DPYSL2: variants seen among roughly 807,000 people sequenced by gnomAD.
DPYSL2 encodes dihydropyrimidinase like 2.
Under a neutral mutation model 69.9 loss-of-function variants are expected in DPYSL2, and 13 were observed. That is an observed-to-expected ratio of 0.19 (90% CI 0.12 to 0.30). The LOEUF (loss-of-function observed/expected upper bound fraction) is 0.30, where lower values mean the gene tolerates loss of function less well. DPYSL2 is among the 10% of genes least tolerant of loss of function. DPYSL2 has a pLI of 1.00. For missense variants in DPYSL2, 587 were observed against 918.9 expected (o/e 0.64, Z 4.67); for synonymous variants, 326 against 359.1 (o/e 0.91, Z 1.04).
At chr8:26,561,597 T>A (rs1172801224) in intron 1 of DPYSL2, among the ~76,000 whole-genome samples, 1 of 151,546 alleles carries the variant, frequency 6.6e-6, no homozygotes, top group Non-Finnish European at 1.5e-5. Flanking sequence ...CTTTCTTACA[T>A]CCATTAATAC....
In DPYSL2 at chr8:26,605,089, T is replaced by C. The variant is rs1406912970; in HGVS notation, c.629-19054T>C. ...AAATGTGCGGAAATCAGTCACCCAG[T>C]CACCTGAACTTCCATTTAACATCAG... is the stretch of plus-strand genomic sequence containing the variant. On this transcript the variant is annotated intron_variant, in intron 3 of 13. Coordinates refer to ENST00000521913, the MANE Select transcript of DPYSL2 (RefSeq NM_001197293.3). The surrounding 1 kb of genome is among the most constrained non-coding windows in gnomAD (Gnocchi z 4.1). 6.6e-6 allele frequency among the ~76,000 whole-genome samples: 1 copy of C among 152,108 alleles called. No individual in the cohort carries two copies. The highest frequency in any genetic ancestry group is 1.5e-5 in the Non-Finnish European group (1 of 68,032).
chr8:26,523,080 C>G (rs1808414973), intron 1 of DPYSL2, among the ~76,000 whole-genome samples: 1 of 151,816 alleles, frequency 6.6e-6, no homozygotes, highest in Non-Finnish European at 1.5e-5. Context: ...ATTCTTCTAT[C>G]TGAAGATCTT....
rs181611107 is a variant in DPYSL2 at position 26,610,561 on chromosome 8, C to T, written c.629-13582C>T. 9.1e-4 allele frequency among the ~76,000 whole-genome samples: 139 copies of T among 152,202 alleles called. 1 individual carries two copies. Among genetic ancestry groups the T allele is most frequent in the Admixed American group, 3.1e-3 (47 of 15,300 alleles). ...TAGATGAGTGACTCAAAGTTCCATG[C>T]CTGGGGCCCTCCACCCTCCTTCCCT... On this transcript the variant is annotated intron_variant, in intron 3 of 13. Coordinates refer to ENST00000521913, the MANE Select transcript of DPYSL2 (RefSeq NM_001197293.3). This position sits in a 1 kb window ranked among gnomAD's most constrained non-coding sequence, Gnocchi z 4.5.
intron 1 of DPYSL2, among the ~76,000 whole-genome samples, chr8:26,531,852 G>A (rs567046383): frequency 9.2e-5 from 14 of 152,184 alleles, no homozygotes; most frequent in African/African-American, 2.7e-4. Context: ...CTTAGGTGCC[G>A]GTCTTGGTGG....
At chr8:26,551,744 T>C (rs531974465) in intron 1 of DPYSL2, among the ~76,000 whole-genome samples, 26 of 152,250 alleles carry the variant, frequency 1.7e-4, no homozygotes, top group African/African-American at 4.8e-4. Context: ...CAGACCACAA[T>C]GAACTTAAAC....
At position 26,656,232 on chromosome 8, in the gene DPYSL2, G is replaced by A. The variant is rs1803388295; in HGVS notation, c.*526G>A. ...AACATTTAATTCCATATTAATACAA[G>A]GGGTTTGAACTGGACATCCTAATGA... On this transcript the variant is annotated 3_prime_UTR_variant, in exon 14 of 14. Transcript: ENST00000521913. 6.7e-6 allele frequency: 1 copy of A among 149,448 alleles called. No individual in the cohort carries two copies. The highest frequency in any genetic ancestry group is 1.5e-5 in the Non-Finnish European group (1 of 67,570). The allele number at this position is 149,448 out of a possible 1,614,324, so 9.3% of individuals were successfully genotyped here. A position where few individuals can be genotyped will look rare whatever the true frequency, so the allele number is the denominator to read the frequency against.
intron 1 of DPYSL2, among the ~76,000 whole-genome samples, chr8:26,549,166 G>A (rs965630485): frequency 6.6e-6 from 1 of 151,506 alleles, no homozygotes. Context: ...TCCAGCCCAG[G>A]TGACAGAGGG....
intron 1 of DPYSL2, among the ~76,000 whole-genome samples, chr8:26,567,161 C>G (rs1801163835): frequency 6.7e-6 from 1 of 150,280 alleles, no homozygotes; most frequent in Admixed American, 6.6e-5. Context: ...TCTGCCCATC[C>G]ATCCATCCAT....
rs1369036640 is a variant in DPYSL2 at position 26,640,592 on chromosome 8, G to C, written c.1127-2847G>C. On this transcript the variant is annotated intron_variant, in intron 8 of 13. Transcript: ENST00000521913. This position sits in a 1 kb window ranked among gnomAD's most constrained non-coding sequence, Gnocchi z 4.2. ...TTGGGAGCTCCAGACCACTGGGGAT[G>C]GGAGGCAGAGACTCTATGTATAGAT... 6.6e-6 allele frequency among the ~76,000 whole-genome samples: 1 copy of C among 152,116 alleles called. No individual in the cohort carries two copies. The highest frequency in any genetic ancestry group is 1.5e-5 in the Non-Finnish European group (1 of 68,020).
chr8:26,575,371 A>C (rs1801310933), intron 1 of DPYSL2, among the ~76,000 whole-genome samples: 1 of 151,530 alleles, frequency 6.6e-6, no homozygotes, highest in South Asian at 2.1e-4. Flanking sequence ...TTTCACCTTC[A>C]TCAGTGCAAA....
chr8:26,517,952 C>G lies in DPYSL2; in HGVS notation c.354+3273C>G, dbSNP rs960779234. On this transcript the variant is annotated intron_variant, in intron 1 of 13. Coordinates refer to ENST00000521913, the MANE Select transcript of DPYSL2 (RefSeq NM_001197293.3). This position sits in a 1 kb window ranked among gnomAD's most constrained non-coding sequence, Gnocchi z 4.2. ...GCCCTCTAACTGTACAACGTCATCC[C>G]TACTCCATCCCCATAGCATGCCCCT... Among the ~76,000 whole-genome samples the G allele has an allele frequency of 1.3e-5, 2 of 152,208 alleles. No homozygotes were observed. The highest frequency in any genetic ancestry group is 2.9e-5 in the Non-Finnish European group (2 of 68,024).
Position 26,619,188 on chromosome 8 carries a change from T to G in DPYSL2, c.629-4955T>G, listed in dbSNP as rs142282439. ...AGCTCTGTGCAAGTCATTTTCAGGC[T>G]TGTGTCCTCAGTGGGGACTCTACTC... On this transcript the variant is annotated intron_variant, in intron 3 of 13. Coordinates refer to ENST00000521913, the MANE Select transcript of DPYSL2 (RefSeq NM_001197293.3). The surrounding 1 kb of genome is among the most constrained non-coding windows in gnomAD (Gnocchi z 4.8). Among the ~76,000 whole-genome samples, 207 of 152,282 alleles carry G rather than the reference T, an allele frequency of 1.4e-3. 1 individual carries two copies. Among genetic ancestry groups the G allele is most frequent in the African/African-American group, 4.8e-3 (200 of 41,542 alleles).
At chr8:26,526,102 T>C (rs1808470767) in intron 1 of DPYSL2, among the ~76,000 whole-genome samples, 1 of 152,074 alleles carries the variant, frequency 6.6e-6, no homozygotes, top group Non-Finnish European at 1.5e-5. Flanking sequence ...TTTATTTTAT[T>C]TTATTTTTTC....
At chr8:26,537,167 T>G (rs1397666707) in intron 1 of DPYSL2, among the ~76,000 whole-genome samples, 3 of 152,206 alleles carry the variant, frequency 2.0e-5, no homozygotes, top group African/African-American at 7.2e-5. Flanking sequence ...ACAGAGTTGG[T>G]TAGGTAATAT....
At chr8:26,634,316 G>C (rs1442305615) in intron 7 of DPYSL2, among the ~76,000 whole-genome samples, 2 of 151,698 alleles carry the variant, frequency 1.3e-5, no homozygotes, top group African/African-American at 4.8e-5. Flanking sequence ...CCAGGTTGGA[G>C]TATGGTGGTG....
chr8:26,644,159 G>A lies in DPYSL2; in HGVS notation c.1425+68G>A, dbSNP rs967191820. The A allele has an allele frequency of 1.5e-5, 24 of 1,561,022 alleles. No individual in the cohort carries two copies. The African/African-American group carries it at 3.1e-4, about 20-fold the overall frequency. On this transcript the variant is annotated intron_variant, in intron 10 of 13. Coordinates refer to ENST00000521913, the MANE Select transcript of DPYSL2 (RefSeq NM_001197293.3). The surrounding 1 kb of genome is among the most constrained non-coding windows in gnomAD (Gnocchi z 4.5). ...CTTGTCCTCCTCATCTGGGGGCCAT[G>A]GGGCTCATGGAGGCCTTGAAATGAC... is the stretch of plus-strand genomic sequence containing the variant.
At chr8:26,551,729 G>C (rs776414455) in intron 1 of DPYSL2, among the ~76,000 whole-genome samples, 1 of 152,130 alleles carries the variant, frequency 6.6e-6, no homozygotes, top group Non-Finnish European at 1.5e-5. Context: ...TACAAAGTAA[G>C]CTCTCAGACC....
chr8:26,626,315 G>A lies in DPYSL2; in HGVS notation c.794-302G>A, dbSNP rs1177397185. ...CTATGAACATGGATGTGCAAACACT[G>A]GCAACTTTTAATTTTGATATACTTG... On this transcript the variant is annotated intron_variant, in intron 4 of 13. Transcript: ENST00000521913. The surrounding 1 kb of genome is among the most constrained non-coding windows in gnomAD (Gnocchi z 4.3). Among the ~76,000 whole-genome samples the A allele has an allele frequency of 6.6e-6, 1 of 152,128 alleles. No individual in the cohort carries two copies. Among genetic ancestry groups the A allele is most frequent in the Non-Finnish European group, 1.5e-5 (1 of 68,040 alleles).
Position 26,657,532 on chromosome 8 carries a change from T to G in DPYSL2, c.*1826T>G, listed in dbSNP as rs1207549684. On this transcript the variant is annotated 3_prime_UTR_variant, in exon 14 of 14. Coordinates refer to ENST00000521913, the MANE Select transcript of DPYSL2 (RefSeq NM_001197293.3). Reference sequence around the variant, plus strand: ...TGGGGATCTGGTTGGGGTTTTGGGTTTTTTGTTGTTGTTGTTTATTTGTTA... The same window carrying G: ...TGGGGATCTGGTTGGGGTTTTGGGTGTTTTGTTGTTGTTGTTTATTTGTTA... The G allele has an allele frequency of 2.0e-5, 3 of 152,606 alleles. No individual in the cohort carries two copies. The highest frequency in any genetic ancestry group is 2.0e-4 in the Admixed American group (3 of 15,278). 9.5% of individuals were successfully genotyped at this position (152,606 alleles called of 1,614,324 possible).
Sources: allele counts gnomAD v4.1 joint callset (sites outside exome capture counted in the v4.1 genomes callset), GRCh38; gene constraint gnomAD v4.1.1; non-coding constraint Gnocchi (gnomAD v3.1); transcripts MANE v1.5; gene names NCBI Gene and HGNC (gene_info 2026-07-23, HGNC 2026-07-21).